The following PTGFRN variants were observed in gnomAD, a reference collection of about 807,000 sequenced individuals.
PTGFRN encodes the protein prostaglandin F2 receptor negative regulator.
In PTGFRN, 35 loss-of-function variants were observed where a neutral mutation model predicts 83.2. The ratio of observed to expected loss-of-function variants is 0.42; its 90% CI spans 0.32 to 0.56. PTGFRN has a LOEUF of 0.56. PTGFRN is among the 20% of genes least tolerant of loss of function. PTGFRN has a pLI of 0.11. For synonymous variants in PTGFRN, 519 were observed against 498.6 expected, an observed-to-expected ratio of 1.04 and a Z score of -0.55; for missense variants, 1,051 against 1,179.5, an observed-to-expected ratio of 0.89 and a Z score of 1.60.
chr1:116,943,833 G>A (rs1364737345), intron 2 of PTGFRN, among the ~76,000 whole-genome samples: 1 of 151,936 alleles, frequency 6.6e-6, no homozygotes, highest in East Asian at 1.9e-4. Context: ...ATATGGAATT[G>A]GGGGGAAAAA....
chr1:116,949,808 T>G (rs1212679322), intron 4 of PTGFRN, among the ~76,000 whole-genome samples: 1 of 152,214 alleles, frequency 6.6e-6, no homozygotes. Flanking sequence ...TTTGAGAGTA[T>G]ATAGTTTCCT....
At chr1:116,912,440 C>T (rs1036905662) in intron 1 of PTGFRN, among the ~76,000 whole-genome samples, 1 of 152,160 alleles carries the variant, frequency 6.6e-6, no homozygotes, top group African/African-American at 2.4e-5. Context: ...CATCTTTCCT[C>T]CTGGGGTGTA....
chr1:116,979,295 C>T (rs1418409323), intron 7 of PTGFRN, among the ~76,000 whole-genome samples: 1 of 152,126 alleles, frequency 6.6e-6, no homozygotes, highest in African/African-American at 2.4e-5. Context: ...GCCATACTGC[C>T]CAAGGTAATT....
At chr1:116,919,730 A>G (rs1310210163) in intron 1 of PTGFRN, among the ~76,000 whole-genome samples, 1 of 152,256 alleles carries the variant, frequency 6.6e-6, no homozygotes, top group African/African-American at 2.4e-5. Context: ...GTGGGTTCAT[A>G]ACCACAGTAC....
Position 116,944,950 on chromosome 1 carries a change from C to T in PTGFRN, c.690C>T (p.Tyr230=), listed in dbSNP as rs750303479. 2.5e-6 allele frequency: 4 copies of T among 1,613,514 alleles called. No homozygotes were observed. The highest frequency in any genetic ancestry group is 2.2e-5 in the East Asian group (1 of 44,886). The change falls in exon 3 of 9, where the codon TAC becomes TAT. Residue 230 remains tyrosine (Y), a synonymous_variant. Coordinates refer to ENST00000393203, the MANE Select transcript of PTGFRN (RefSeq NM_020440.4). ...VRLDTVGSDA[Y]RLSVSRALSA... is the part of the protein sequence containing the mutation. ...TCGACACCGTGGGCAGCGACGCCTA[C>T]CGCCTCTCAGTGTCCCGGGCTCTGT...
intron 4 of PTGFRN, among the ~76,000 whole-genome samples, chr1:116,955,839 C>G (rs993507600): frequency 6.6e-6 from 1 of 152,120 alleles, no homozygotes; most frequent in Non-Finnish European, 1.5e-5. Context: ...GACATACATA[C>G]GAATAACCAA....
intron 6 of PTGFRN, among the ~76,000 whole-genome samples, chr1:116,972,790 A>G (rs954264112): frequency 6.6e-6 from 1 of 152,194 alleles, no homozygotes; most frequent in East Asian, 1.9e-4. Flanking sequence ...AACTCTTAGG[A>G]TTAGCTAAGC....
Position 116,986,903 on chromosome 1 carries a change from G to T in PTGFRN, c.2576G>T (p.Cys859Phe). Reference sequence around the variant, plus strand: ...GGGTACTGCAGCTCCCACTGGTGTTGTAAGAAGGAGGTTCAGGAGACACGG... The same window carrying T: ...GGGTACTGCAGCTCCCACTGGTGTTTTAAGAAGGAGGTTCAGGAGACACGG... ...LIGYCSSHWC[C>F]KKEVQETRRE... is the part of the protein sequence containing the mutation. Residue 859 changes from cysteine (C) to phenylalanine (F), a missense_variant, in exon 9 of 9, where the codon TGT becomes TTT. This residue lies in a region of PTGFRN where 719 missense variants were observed against 836.6 expected (regional missense o/e 0.86). Coordinates refer to ENST00000393203, the MANE Select transcript of PTGFRN (RefSeq NM_020440.4). The T allele has an allele frequency of 6.2e-7, 1 of 1,614,250 alleles. No individual in the cohort carries two copies. The highest frequency in any genetic ancestry group is 8.5e-7 in the Non-Finnish European group (1 of 1,180,050).
intron 3 of PTGFRN, among the ~76,000 whole-genome samples, chr1:116,945,768 C>G (rs1460931077): frequency 1.3e-5 from 2 of 149,968 alleles, no homozygotes; most frequent in African/African-American, 4.9e-5. Flanking sequence ...TTTTCAAACC[C>G]TCTACTGCAA....
rs1374249255 is a variant in PTGFRN, at chr1:116,929,470, C to T, written c.50-12245C>T. On this transcript the variant is annotated intron_variant, in intron 1 of 8. Transcript: ENST00000393203. ...TTCCCATTTCAACCAGAATCCAGGGCCCCTGCCCCCTCATTCATTGTGATC... is the reference window on the plus strand; with the variant it reads ...TTCCCATTTCAACCAGAATCCAGGGTCCCTGCCCCCTCATTCATTGTGATC... Among the ~76,000 whole-genome samples the T allele has an allele frequency of 5.9e-5, 9 of 152,194 alleles. 1 individual carries two copies. Among genetic ancestry groups the T allele is most frequent in the Admixed American group, 5.9e-4 (9 of 15,282 alleles).
At position 116,984,945 on chromosome 1, in the gene PTGFRN, G is replaced by A. The variant is rs532894768; in HGVS notation, c.2433G>A (p.Glu811=). 54 of 1,614,084 alleles carry A rather than the reference G, an allele frequency of 3.3e-5. No homozygotes were observed. Among genetic ancestry groups the A allele is most frequent in the Non-Finnish European group, 4.2e-5 (50 of 1,180,036 alleles). Residue 811 remains glutamate (E), a synonymous_variant, in exon 8 of 9, where the codon GAG becomes GAA. Coordinates refer to ENST00000393203, the MANE Select transcript of PTGFRN (RefSeq NM_020440.4). ...CAGGTTCCTGGCAGAAGGAGGCAGA[G>A]ATCCACTCCAAGCCCGTTTTTATAA... ...SPTGSWQKEA[E]IHSKPVFITV...
At chr1:116,978,303 G>A (rs919525292) in intron 7 of PTGFRN, among the ~76,000 whole-genome samples, 5 of 152,318 alleles carry the variant, frequency 3.3e-5, no homozygotes, top group Admixed American at 6.5e-5. Context: ...ACAAGGAGGA[G>A]CTGGTACCAT....
chr1:116,985,707 C>CAAAA (rs34050341), intron 8 of PTGFRN, among the ~76,000 whole-genome samples: 2 of 128,818 alleles, frequency 1.6e-5, no homozygotes, highest in Non-Finnish European at 3.3e-5. Context: ...TACTCCATCT[C>CAAAA]AAAAAAAAAA....
At chr1:116,912,231 C>G (rs1331946198) in intron 1 of PTGFRN, among the ~76,000 whole-genome samples, 2 of 152,200 alleles carry the variant, frequency 1.3e-5, no homozygotes, top group African/African-American at 4.8e-5. Context: ...ATGAATTACA[C>G]AGGGAATTTC....
At chr1:116,967,540 C>T (rs947657637) in intron 6 of PTGFRN, among the ~76,000 whole-genome samples, 1 of 152,134 alleles carries the variant, frequency 6.6e-6, no homozygotes, top group African/African-American at 2.4e-5. Context: ...ATTTTCATGA[C>T]CCCAAAAGAA....
intron 3 of PTGFRN, 114 bp downstream of exon 3, chr1:116,945,206 C>T (rs1650167008): frequency 1.5e-6 from 2 of 1,311,948 alleles, no homozygotes; most frequent in African/African-American, 2.9e-5. Flanking sequence ...TTCTGCTTCC[C>T]ATGTGAGGCC....
intron 1 of PTGFRN, among the ~76,000 whole-genome samples, chr1:116,911,766 C>T (rs1463819976): frequency 6.6e-6 from 1 of 152,254 alleles, no homozygotes; most frequent in African/African-American, 2.4e-5. Context: ...CCTCAGTCTC[C>T]TGAAGTGCTG....
chr1:116,953,799 C>T (rs1333769246), intron 4 of PTGFRN, among the ~76,000 whole-genome samples: 1 of 151,708 alleles, frequency 6.6e-6, no homozygotes, highest in African/African-American at 2.4e-5. Context: ...ATTCACTTTT[C>T]CTTCTCTGGG....
intron 6 of PTGFRN, 108 bp from the exon 7 acceptor site, chr1:116,974,108 C>A (rs1651075862): frequency 2.5e-6 from 2 of 804,268 alleles, no homozygotes; most frequent in Admixed American, 2.4e-5. Flanking sequence ...GTTTCTAGAC[C>A]AGTTCCCAGG....
Sources: allele counts gnomAD v4.1 joint callset (sites outside exome capture counted in the v4.1 genomes callset), GRCh38; gene constraint gnomAD v4.1.1; regional missense constraint gnomAD v4.1.1; transcripts MANE v1.5; gene names NCBI Gene and HGNC (gene_info 2026-07-23, HGNC 2026-07-21).